Variants in ZNF577 observed in about 807,000 individuals in gnomAD.
ZNF577 encodes zinc finger protein 577.
Under a neutral mutation model 13.9 loss-of-function variants are expected in ZNF577, and 14 were observed. The observed-to-expected ratio is 1.00, with a 90% CI of 0.66 to 1.57. The LOEUF is 1.57. Ranked by LOEUF, ZNF577 falls within the 40% of genes most tolerant of loss-of-function variation. The pLI is 0.00. For synonymous variants in ZNF577, 203 were observed against 202.9 expected (o/e 1.00, Z 0.00); for missense variants, 555 against 579.2 (o/e 0.96, Z 0.43).
chr19:51,877,154 G>A, intron 5 of ZNF577, 128 bp downstream of exon 5: 1 of 686,434 alleles, frequency 1.5e-6, no homozygotes, highest in South Asian at 1.9e-5. Context: ...CAGAAAGGCT[G>A]ATTAGGTTTC....
intron 10 of ZNF577, among the ~76,000 whole-genome samples, chr19:51,809,242 C>T (rs951655984): frequency 3.9e-5 from 6 of 152,346 alleles, no homozygotes; most frequent in Admixed American, 1.3e-4. Flanking sequence ...GACTGTCCAT[C>T]TGGACCAAGA....
intron 1 of ZNF577, chr19:51,886,608 A>G (rs1406016658): frequency 6.6e-6 from 1 of 152,238 alleles, no homozygotes. Flanking sequence ...ATAAATGAAA[A>G]TAATTGTAAT....
In ZNF577 at chr19:51,824,134, A is replaced by G. The variant is rs1367030704; in HGVS notation, c.*600-12460T>C. The G allele has an allele frequency of 3.1e-6, 5 of 1,613,874 alleles. No homozygotes were observed. In the African/African-American group the frequency reaches 4.0e-5, roughly 13 times the overall value. Reference sequence around the variant, plus strand: ...CTGGACCGCTGTATTTGTGTCCTGCATCCAGCCTGGGCCCAGAACCATCGC... The same window carrying G: ...CTGGACCGCTGTATTTGTGTCCTGCGTCCAGCCTGGGCCCAGAACCATCGC... On this transcript the variant is annotated intron_variant and NMD_transcript_variant, in intron 9 of 10. Coordinates refer to the ZNF577 transcript ENST00000638827. This position sits in a 1 kb window ranked among gnomAD's most constrained non-coding sequence, Gnocchi z 4.7.
chr19:51,886,270 A>G (rs1211136187), intron 1 of ZNF577: 2 of 152,156 alleles, frequency 1.3e-5, no homozygotes, highest in Non-Finnish European at 2.9e-5. Context: ...ACTTTCTACT[A>G]TGAAAAATTT....
chr19:51,824,309 T>G lies in ZNF577; in HGVS notation c.*600-12635A>C, dbSNP rs1278236930. The G allele has an allele frequency of 3.1e-6, 5 of 1,614,082 alleles. No individual in the cohort carries two copies. The Admixed American group carries it at 8.3e-5, about 27-fold the overall frequency. ...ACTTTGCATTCTGGGGTGACACTGC[T>G]GTAGAGAGGTTGAACGTGTTCATTA... On this transcript the variant is annotated intron_variant and NMD_transcript_variant, in intron 9 of 10. Transcript: ENST00000638827. This position sits in a 1 kb window ranked among gnomAD's most constrained non-coding sequence, Gnocchi z 4.7.
At chr19:51,816,350 T>A (rs1179459708) in intron 9 of ZNF577, among the ~76,000 whole-genome samples, 1 of 152,314 alleles carries the variant, frequency 6.6e-6, no homozygotes, top group South Asian at 2.1e-4. Flanking sequence ...TGGGTTCAAA[T>A]GATTCTCGTG....
At chr19:51,857,859 A>G (rs1470394347) in intron 5 of ZNF577, among the ~76,000 whole-genome samples, 2 of 152,168 alleles carry the variant, frequency 1.3e-5, no homozygotes, top group African/African-American at 4.8e-5. Context: ...TTTTTTGTAG[A>G]GATGGAGTCT....
In ZNF577 at chr19:51,871,684, C is replaced by G. The variant is rs1282100516; in HGVS notation, c.*848G>C. The stretch of plus-strand genomic sequence containing the variant: ...TATCTGGGTTTTCACAGTGTAATCA[C>G]AAGGGTCCTCAAACATGGAAGAGGG... On this transcript the variant is annotated 3_prime_UTR_variant, in exon 6 of 6. Coordinates refer to ENST00000638348, the MANE Select transcript of ZNF577 (RefSeq NM_001370449.1). 1.3e-5 allele frequency: 2 copies of G among 152,044 alleles called. No homozygotes were observed. The highest frequency in any genetic ancestry group is 2.9e-5 in the Non-Finnish European group (2 of 68,028). The allele number at this position is 152,044 out of a possible 1,614,324, so 9.4% of individuals were successfully genotyped here. A position where few individuals can be genotyped will look rare whatever the true frequency, so the allele number is the denominator to read the frequency against.
intron 10 of ZNF577, among the ~76,000 whole-genome samples, chr19:51,808,910 G>A (rs28773614): frequency 0.12 from 18,275 of 152,194 alleles, 1,217 homozygotes; most frequent in East Asian, 0.21. Flanking sequence ...TGAGATAGGG[G>A]CCATTGATCC....
chr19:51,872,543 C>T lies in ZNF577; in HGVS notation c.1447G>A (p.Val483Ile), dbSNP rs781673801. The T allele has an allele frequency of 6.3e-7, 1 of 1,579,714 alleles. No homozygotes were observed. Among genetic ancestry groups the T allele is most frequent in the South Asian group, 1.2e-5 (1 of 85,702 alleles). Residue 483 changes from valine (V) to isoleucine (I), a missense_variant, in exon 6 of 6, where the codon GTA becomes ATA. Val to Ile is a conservative substitution (Grantham distance 29). Transcript: ENST00000638348. ...TGGTATCAGAAGATTTATTCTGATA[C>T]AATATCTGTAAGATACAAGATATAA... ...INYILYLTDI[V>I]SE
intron 5 of ZNF577, among the ~76,000 whole-genome samples, chr19:51,856,471 AACAG>A (rs1445336404): frequency 6.6e-6 from 1 of 152,244 alleles, no homozygotes; most frequent in Non-Finnish European, 1.5e-5. Context: ...GGATAATGCT[AACAG>A]ACAGTTTTGT....
At position 51,868,967 on chromosome 19, in the gene ZNF577, T is replaced by C. The variant is rs6509583; in HGVS notation, c.*3565A>G. Among the ~76,000 whole-genome samples, 40,813 of 152,044 alleles carry C rather than the reference T, an allele frequency of 0.27. 7,746 individuals carry two copies. Among genetic ancestry groups the C allele is most frequent in the African/African-American group, 0.53 (21,841 of 41,434 alleles). On this transcript the variant is annotated 3_prime_UTR_variant, in exon 6 of 6. Coordinates refer to ENST00000638348, the MANE Select transcript of ZNF577 (RefSeq NM_001370449.1). ...TGCTTGGTAAAAGTCATCACCATTCTCCAGTCTCGAGTACCCAGGGACACA... is the reference window on the plus strand; with the variant it reads ...TGCTTGGTAAAAGTCATCACCATTCCCCAGTCTCGAGTACCCAGGGACACA...
intron 9 of ZNF577, among the ~76,000 whole-genome samples, chr19:51,833,309 T>A (rs2084270176): frequency 6.6e-6 from 1 of 152,098 alleles, no homozygotes; most frequent in African/African-American, 2.4e-5. Context: ...TTTTGGAGAT[T>A]ACAATGCTAT....
intron 9 of ZNF577, among the ~76,000 whole-genome samples, chr19:51,816,389 T>C (rs773554385): frequency 2.0e-5 from 3 of 152,160 alleles, no homozygotes; most frequent in South Asian, 2.1e-4. Context: ...CTGGAATTAC[T>C]GGCATGTGCC....
chr19:51,813,579 G>A (rs2084113253), intron 9 of ZNF577, among the ~76,000 whole-genome samples: 1 of 151,900 alleles, frequency 6.6e-6, no homozygotes, highest in South Asian at 2.1e-4. Flanking sequence ...CACCTAGGCT[G>A]GAGTGCAGTG....
intron 5 of ZNF577, among the ~76,000 whole-genome samples, chr19:51,854,552 C>T (rs11883230): frequency 0.37 from 54,526 of 146,772 alleles, 11,182 homozygotes; most frequent in African/African-American, 0.54. Flanking sequence ...CATGCTTCTC[C>T]TGAACTCCTG....
Position 51,871,166 on chromosome 19 carries a change from T to G in ZNF577, c.*1366A>C, listed in dbSNP as rs7257130. 1.3e-5 allele frequency: 2 copies of G among 152,064 alleles called. No homozygotes were observed. The highest frequency in any genetic ancestry group is 2.9e-5 in the Non-Finnish European group (2 of 68,022). 9.4% of individuals were successfully genotyped at this position (152,064 alleles called of 1,614,324 possible). A position where few individuals can be genotyped will look rare whatever the true frequency, so the allele number is the denominator to read the frequency against. ...TCACCCACGCTGTAGTGCAGTGGCA[T>G]GATCATAGCTCACTGCAGTCACTGC... On this transcript the variant is annotated 3_prime_UTR_variant, in exon 6 of 6. Transcript: ENST00000638348.
At chr19:51,808,291 A>G (rs1224517533) in intron 10 of ZNF577, among the ~76,000 whole-genome samples, 1 of 152,206 alleles carries the variant, frequency 6.6e-6, no homozygotes, top group Non-Finnish European at 1.5e-5. Flanking sequence ...TTCTGAGTCC[A>G]TACACTTCTC....
chr19:51,858,868 T>C (rs186026839), intron 5 of ZNF577, among the ~76,000 whole-genome samples: 23 of 152,332 alleles, frequency 1.5e-4, no homozygotes, highest in Non-Finnish European at 2.8e-4. Flanking sequence ...ATATTAACAA[T>C]TTTAGAGTGT....
Sources: allele counts gnomAD v4.1 joint callset (sites outside exome capture counted in the v4.1 genomes callset), GRCh38; gene constraint gnomAD v4.1.1; non-coding constraint Gnocchi (gnomAD v3.1); transcripts MANE v1.5; gene names NCBI Gene and HGNC (gene_info 2026-07-23, HGNC 2026-07-21).